Variants in CPM observed in about 807,000 individuals in gnomAD.
CPM encodes the protein carboxypeptidase M, also known as renal carboxypeptidase.
In CPM, 35 loss-of-function variants were observed where a neutral mutation model predicts 46.4. That is an observed-to-expected ratio of 0.75 (90% confidence interval 0.58 to 1.00). The LOEUF is 1.00. CPM is among the 50% of genes least tolerant of loss of function. The probability of loss-of-function intolerance (pLI) is 0.00; values close to 1 mark genes in which losing one functional copy is unlikely to be tolerated. For missense variants in CPM, 422 were observed against 530.4 expected (o/e 0.80, Z 2.01); for synonymous variants, 195 against 195.3 (o/e 1.00, Z 0.01).
intron 2 of CPM, among the ~76,000 whole-genome samples, chr12:68,916,575 ACTGTTG>A (rs1019155761): frequency 1.7e-4 from 26 of 152,106 alleles, no homozygotes; most frequent in African/African-American, 5.8e-4. Context: ...CCCAGAAATG[ACTGTTG>A]CACCAAATTT....
At chr12:68,934,277 C>T (rs752672602), upstream of CPM, among the ~76,000 whole-genome samples, 2 of 152,120 alleles carry the variant, frequency 1.3e-5, no homozygotes, top group Non-Finnish European at 2.9e-5. Context: ...CGGATGCAAG[C>T]CCACGACTAA....
chr12:68,867,979 T>G (rs74099453), intron 6 of CPM, among the ~76,000 whole-genome samples: 12,218 of 152,144 alleles, frequency 0.08, 859 homozygotes, highest in East Asian at 0.2. Context: ...CCAGGCACAT[T>G]CTTCTGGGCT....
downstream of CPM, chr12:68,847,562 T>C (rs903956304): frequency 1.4e-5 from 2 of 144,406 alleles, no homozygotes; most frequent in Non-Finnish European, 3.0e-5. Context: ...CACGCCATTC[T>C]CCTGCCTCAG....
chr12:68,960,988 A>G (rs1197405322), intron 1 of CPM, among the ~76,000 whole-genome samples: 9 of 152,212 alleles, frequency 5.9e-5, no homozygotes, highest in Non-Finnish European at 1.2e-4. Flanking sequence ...GCAACTTAGC[A>G]TTGGGGACTG....
At chr12:68,907,063 T>C (rs1454991717) in intron 2 of CPM, among the ~76,000 whole-genome samples, 2 of 152,212 alleles carry the variant, frequency 1.3e-5, no homozygotes, top group Non-Finnish European at 2.9e-5. Context: ...CCAGGAACTA[T>C]AGAGCTCACA....
intron 2 of CPM, among the ~76,000 whole-genome samples, chr12:68,897,357 A>G (rs1886917001): frequency 6.6e-6 from 1 of 151,992 alleles, no homozygotes; most frequent in Admixed American, 6.6e-5. Context: ...TCATACTATA[A>G]AAAGCTGAGA....
intron 3 of CPM, among the ~76,000 whole-genome samples, chr12:68,881,764 A>G (rs1411622920): frequency 6.7e-6 from 1 of 149,228 alleles, no homozygotes; most frequent in Non-Finnish European, 1.5e-5. Context: ...TCTGTCGCCC[A>G]GGCTGGAGTG....
intron 5 of CPM, 61 bp downstream of exon 5, chr12:68,870,154 C>A (rs1446885707): frequency 2.2e-5 from 34 of 1,516,282 alleles, no homozygotes; most frequent in Non-Finnish European, 3.0e-5. Flanking sequence ...CATCCAGAGG[C>A]AGAGAGTTTT....
intron 1 of CPM, among the ~76,000 whole-genome samples, chr12:68,939,269 T>C (rs1888724113): frequency 6.8e-6 from 1 of 147,558 alleles, no homozygotes; most frequent in Non-Finnish European, 1.5e-5. Context: ...CTTATGTATA[T>C]TATGTACATA....
chr12:68,855,641 T>C lies in CPM; in HGVS notation c.*796A>G, dbSNP rs1884928546. 6.6e-6 allele frequency: 1 copy of C among 152,170 alleles called. No individual in the cohort carries two copies. Among genetic ancestry groups the C allele is most frequent in the South Asian group, 2.1e-4 (1 of 4,808 alleles). 9.4% of individuals were successfully genotyped at this position (152,170 alleles called of 1,614,324 possible). On this transcript the variant is annotated 3_prime_UTR_variant, in exon 9 of 9. Transcript: ENST00000551568. ...GTTTGCAAAACAATTCCCAGTCCTA[T>C]GATCATTTCTCCCTTCTTCTGAGAA...
chr12:68,916,067 G>A (rs997135464), intron 2 of CPM, among the ~76,000 whole-genome samples: 2 of 152,248 alleles, frequency 1.3e-5, no homozygotes, highest in South Asian at 2.1e-4. Flanking sequence ...ACCAGGTTAC[G>A]TTCCCTCTCA....
chr12:68,874,822 G>T (rs1885870701), intron 3 of CPM, among the ~76,000 whole-genome samples: 1 of 152,160 alleles, frequency 6.6e-6, no homozygotes, highest in Non-Finnish European at 1.5e-5. Context: ...CAGAGAGGAA[G>T]TGATATCAGA....
At position 68,943,708 on chromosome 12, in the gene CPM, C is replaced by G. The variant is rs116229122; in HGVS notation, c.-3-10868G>C. Reference sequence around the variant, plus strand: ...ATAAGGCCGATTTCCAAAGCAAAGACAGTCCTATTTAGCTGCATTTAATCT... The same window carrying G: ...ATAAGGCCGATTTCCAAAGCAAAGAGAGTCCTATTTAGCTGCATTTAATCT... On this transcript the variant is annotated intron_variant, in intron 1 of 8. Coordinates refer to the CPM transcript ENST00000546373. Among the ~76,000 whole-genome samples the G allele has an allele frequency of 2.0e-5, 3 of 152,166 alleles. 1 individual carries two copies. The South Asian group carries it at 6.2e-4, about 31-fold the overall frequency.
At chr12:68,842,206 T>C (rs1883823774), downstream of CPM, 1 of 500,268 alleles carries the variant, frequency 2.0e-6, no homozygotes, top group African/African-American at 1.9e-5. Context: ...GTTGAAAAGA[T>C]CAAACAAATG....
intron 1 of CPM, among the ~76,000 whole-genome samples, chr12:68,955,964 G>A (rs1889010993): frequency 6.6e-6 from 1 of 152,128 alleles, no homozygotes; most frequent in South Asian, 2.1e-4. Flanking sequence ...TGGAGGTGGG[G>A]CTTCACTGAG....
chr12:68,938,365 C>T (rs559289278), intron 1 of CPM, among the ~76,000 whole-genome samples: 49 of 151,682 alleles, frequency 3.2e-4, no homozygotes, highest in Non-Finnish European at 5.9e-4. Context: ...TCGCATGGCA[C>T]TCCATTCTGG....
At chr12:68,903,201 C>T (rs576624954) in intron 2 of CPM, among the ~76,000 whole-genome samples, 1 of 152,342 alleles carries the variant, frequency 6.6e-6, no homozygotes, top group East Asian at 1.9e-4. Flanking sequence ...TCAAGCTGTG[C>T]ATTTACAGTC....
chr12:68,856,678 A>G lies in CPM; in HGVS notation c.1091T>C (p.Val364Ala). ...GTGTGGATCATGTCCAGGGACTGTA[A>G]CCTGAGAAGAAACAAGAGACAATTA... ...LLLPGSYIIN[V>A]TVPGHDPHIT... The change falls in exon 9 of 9, where the codon GTT becomes GCT. Residue 364 changes from valine to alanine, a missense_variant and splice_region_variant. Coordinates refer to ENST00000551568, the MANE Select transcript of CPM (RefSeq NM_198320.5). The G allele has an allele frequency of 6.2e-7, 1 of 1,612,982 alleles. No individual in the cohort carries two copies. Among genetic ancestry groups the G allele is most frequent in the Non-Finnish European group, 8.5e-7 (1 of 1,179,166 alleles).
intron 3 of CPM, among the ~76,000 whole-genome samples, chr12:68,873,830 G>C (rs369353012): frequency 4.1e-4 from 62 of 150,836 alleles, no homozygotes; most frequent in African/African-American, 1.5e-3. Flanking sequence ...TTTTGAGACA[G>C]AGTCTCACTC....
Sources: gnomAD v4.1 joint callset for allele counts (sites outside exome capture counted in the v4.1 genomes callset) on GRCh38, gnomAD v4.1.1 for gene constraint, MANE v1.5 for transcripts, NCBI Gene and HGNC (gene_info 2026-07-23, HGNC 2026-07-21) for gene names.